The following PCTP variants were observed in gnomAD, a reference collection of about 807,000 sequenced individuals.
PCTP encodes the protein START domain-containing protein 2.
In PCTP, 27 loss-of-function variants were observed where a neutral mutation model predicts 31.0. The ratio of observed to expected loss-of-function variants is 0.87; its 90% CI spans 0.64 to 1.20. The LOEUF is 1.20. Among genes scored for constraint, PCTP ranks in the 50% most tolerant of loss-of-function variants. The pLI, the probability that PCTP is intolerant of heterozygous loss-of-function variation, is 0.00. For missense variants in PCTP, 287 were observed against 268.2 expected, an observed-to-expected ratio of 1.07 and a Z score of -0.49; for synonymous variants, 108 against 101.2, an observed-to-expected ratio of 1.07 and a Z score of -0.40.
chr17:55,843,536 C>A (rs555460387), downstream of PCTP, among the ~76,000 whole-genome samples: 1 of 152,332 alleles, frequency 6.6e-6, no homozygotes, highest in African/African-American at 2.4e-5. Flanking sequence ...GTTCCTTTGT[C>A]TAGAACATTC....
chr17:55,832,190 G>A (rs1905623858), intron 5 of PCTP, among the ~76,000 whole-genome samples: 1 of 152,222 alleles, frequency 6.6e-6, no homozygotes, highest in Non-Finnish European at 1.5e-5. Context: ...TACGCCGTTG[G>A]AAGTATATTT....
intron 2 of PCTP, among the ~76,000 whole-genome samples, chr17:55,787,408 C>T (rs921154040): frequency 6.6e-6 from 1 of 151,712 alleles, no homozygotes; most frequent in Admixed American, 6.6e-5. Context: ...GGCTGGAGTG[C>T]GGTGGCATGA....
intron 1 of PCTP, among the ~76,000 whole-genome samples, chr17:55,765,191 G>A (rs1320677237): frequency 6.6e-6 from 1 of 152,274 alleles, no homozygotes. Flanking sequence ...ATTCTGTCTT[G>A]GAATTGATAA....
downstream of PCTP, among the ~76,000 whole-genome samples, chr17:55,828,068 A>C (rs1317433152): frequency 1.3e-5 from 2 of 152,110 alleles, no homozygotes; most frequent in Admixed American, 1.3e-4. Context: ...TTCTAGGGGC[A>C]CTCTGGGGTG....
chr17:55,751,414 G>T, intron 1 of PCTP, 170 bp downstream of exon 1: 1 of 1,534,368 alleles, frequency 6.5e-7, no homozygotes, highest in Non-Finnish European at 8.7e-7. Flanking sequence ...CGCAGGGGCG[G>T]TGCCTCCAAG....
At chr17:55,775,834 G>T in intron 5 of PCTP, 1 of 1,297,740 alleles carries the variant, frequency 7.7e-7, no homozygotes, top group African/African-American at 1.5e-5. Flanking sequence ...TGCAACAGAA[G>T]TTCCTGTTGA....
intron 3 of PCTP, among the ~76,000 whole-genome samples, chr17:55,800,653 G>A (rs1442016161): frequency 2.6e-5 from 4 of 151,944 alleles, no homozygotes; most frequent in African/African-American, 9.7e-5. Flanking sequence ...AGGAGAAGAG[G>A]CATTCTTTGT....
chr17:55,840,492 A>G (rs1905939313), intron 5 of PCTP, among the ~76,000 whole-genome samples: 1 of 152,240 alleles, frequency 6.6e-6, no homozygotes, highest in Admixed American at 6.5e-5. Flanking sequence ...AGGCCATAGA[A>G]AAATACCCTA....
chr17:55,783,391 C>CCAT (rs1276213908), intron 2 of PCTP, among the ~76,000 whole-genome samples: 1 of 152,098 alleles, frequency 6.6e-6, no homozygotes, highest in African/African-American at 2.4e-5. Flanking sequence ...CCTGTATCCC[C>CCAT]CATGGACAGA....
At chr17:55,814,043 G>A (rs1202333149) in intron 3 of PCTP, among the ~76,000 whole-genome samples, 25 of 149,342 alleles carry the variant, frequency 1.7e-4, no homozygotes, top group African/African-American at 6.2e-4. Flanking sequence ...GAGGAAGGAA[G>A]ACCCTGTGTC....
chr17:55,782,188 C>T (rs935078079), downstream of PCTP, among the ~76,000 whole-genome samples: 9 of 152,150 alleles, frequency 5.9e-5, no homozygotes, highest in East Asian at 1.9e-4. Context: ...CCTTTTTGTT[C>T]GATTCAGGCT....
chr17:55,784,375 C>T (rs1911674352), intron 2 of PCTP, among the ~76,000 whole-genome samples: 1 of 152,166 alleles, frequency 6.6e-6, no homozygotes, highest in Non-Finnish European at 1.5e-5. Context: ...TATTTCTTCC[C>T]ATCCCAACTT....
At chr17:55,751,301 C>A in intron 1 of PCTP, 57 bp downstream of exon 1, 1 of 1,518,080 alleles carries the variant, frequency 6.6e-7, no homozygotes, top group East Asian at 2.5e-5. Flanking sequence ...GGTCGACCTC[C>A]CCGCAGGGAG....
intron 2 of PCTP, 82 bp from the exon 3 acceptor site, chr17:55,771,024 T>C (rs185158058): frequency 8.1e-5 from 85 of 1,044,214 alleles, no homozygotes; most frequent in Admixed American, 2.6e-4. Flanking sequence ...TGAGCCACCA[T>C]GCTTGGCCTA....
chr17:55,785,109 T>C (rs955202468), intron 2 of PCTP, among the ~76,000 whole-genome samples: 2 of 152,138 alleles, frequency 1.3e-5, no homozygotes, highest in Non-Finnish European at 2.9e-5. Context: ...AGAGCAAGAG[T>C]GATGGGATGT....
the PCTP span, among the ~76,000 whole-genome samples, chr17:55,851,721 T>G: frequency 2.0e-5 from 3 of 152,232 alleles, no homozygotes; most frequent in Non-Finnish European, 4.4e-5. Context: ...TTTTTCTGAC[T>G]ATGTTTTTAA....
At chr17:55,781,257 G>A (rs1911555098), downstream of PCTP, among the ~76,000 whole-genome samples, 1 of 152,152 alleles carries the variant, frequency 6.6e-6, no homozygotes, top group Admixed American at 6.6e-5. Context: ...ATCTCTATCT[G>A]CCTCCCGTTC....
At chr17:55,785,839 G>T (rs1381982578) in intron 2 of PCTP, among the ~76,000 whole-genome samples, 1 of 152,128 alleles carries the variant, frequency 6.6e-6, no homozygotes, top group Non-Finnish European at 1.5e-5. Flanking sequence ...TTTGTACCAG[G>T]CTCCATATTT....
intron 1 of PCTP, among the ~76,000 whole-genome samples, chr17:55,760,675 T>G (rs914260053): frequency 2.0e-5 from 3 of 152,206 alleles, no homozygotes; most frequent in African/African-American, 4.8e-5. Context: ...CCTGCCTTTC[T>G]CCTGGTTCCT....
Sources: gnomAD v4.1 joint callset for allele counts (sites outside exome capture counted in the v4.1 genomes callset) on GRCh38, gnomAD v4.1.1 for gene constraint, MANE v1.5 for transcripts, NCBI Gene and HGNC (gene_info 2026-07-23, HGNC 2026-07-21) for gene names.